Variants in NCF2 observed in about 807,000 individuals in gnomAD.
The protein encoded by NCF2 is neutrophil cytosol factor 2.
Under a neutral mutation model 70.9 loss-of-function variants are expected in NCF2, and 45 were observed. That is an observed-to-expected ratio of 0.63 (90% confidence interval 0.50 to 0.81). The LOEUF (loss-of-function observed/expected upper bound fraction) is 0.81. Ranked by LOEUF, NCF2 falls within the 40% of genes least tolerant of loss-of-function variation. The pLI, the probability that NCF2 is intolerant of heterozygous loss-of-function variation, is 0.00. For synonymous variants in NCF2, 203 were observed against 233.6 expected (o/e 0.87, Z 1.19); for missense variants, 522 against 631.6 (o/e 0.83, Z 1.86).
chr1:183,581,281 CA>C (rs1303349542), intron 2 of NCF2, among the ~76,000 whole-genome samples: 17 of 66,890 alleles, frequency 2.5e-4, no homozygotes, highest in East Asian at 7.8e-4. Flanking sequence ...AATCCTGACT[CA>C]AAAAAAAAAA....
At chr1:183,568,387 G>A (rs1469068879) in intron 7 of NCF2, among the ~76,000 whole-genome samples, 1 of 151,766 alleles carries the variant, frequency 6.6e-6, no homozygotes, top group African/African-American at 2.4e-5. Flanking sequence ...GGCTGGTCTC[G>A]AACTCCTGAT....
At chr1:183,596,438 A>T in the NCF2 span, among the ~76,000 whole-genome samples, 2 of 151,982 alleles carry the variant, frequency 1.3e-5, no homozygotes, top group Non-Finnish European at 2.9e-5. Flanking sequence ...TAAAGATCTG[A>T]ATCCTGAATG....
rs141662379 is a variant in NCF2, at chr1:183,557,812, C to T, written c.1469-1582G>A. 3.9e-4 allele frequency among the ~76,000 whole-genome samples: 60 copies of T among 152,258 alleles called. 3 individuals are homozygous for T. The East Asian group carries it at 0.011, about 28-fold the overall frequency. On this transcript the variant is annotated intron_variant, in intron 14 of 14. Transcript: ENST00000367535. The stretch of plus-strand genomic sequence containing the variant: ...AAAGTGGCACTTGGAGGTGTTCAAC[C>T]CAGTTCTTCCCACTGAGTTACCATT...
chr1:183,595,374 C>T (rs1470121189), upstream of NCF2, among the ~76,000 whole-genome samples: 1 of 152,198 alleles, frequency 6.6e-6, no homozygotes. Context: ...GCAAGTTAGT[C>T]CTGTCTAATC....
At chr1:183,571,225 C>T (rs960822413) in intron 5 of NCF2, among the ~76,000 whole-genome samples, 2 of 142,504 alleles carry the variant, frequency 1.4e-5, no homozygotes, top group South Asian at 2.2e-4. Context: ...TCAAGTGATT[C>T]TCCTGCCTCA....
intron 13 of NCF2, 125 bp downstream of exon 13, chr1:183,563,070 A>C (rs1672140953): frequency 1.1e-6 from 1 of 871,454 alleles, no homozygotes; most frequent in Non-Finnish European, 1.9e-6. Flanking sequence ...GCTGTGACTT[A>C]TTACACACCA....
chr1:183,559,838 A>G (rs1240256852), intron 14 of NCF2, among the ~76,000 whole-genome samples: 4 of 152,108 alleles, frequency 2.6e-5, no homozygotes, highest in Non-Finnish European at 5.9e-5. Flanking sequence ...CAGCCTGGGC[A>G]ACAGAGGGGG....
At chr1:183,578,252 T>C (rs1672891728) in intron 2 of NCF2, among the ~76,000 whole-genome samples, 1 of 152,210 alleles carries the variant, frequency 6.6e-6, no homozygotes, top group South Asian at 2.1e-4. Context: ...TAGAGCTTGG[T>C]TTTGTGGTCT....
At chr1:183,572,637 C>T (rs1046888509) in intron 5 of NCF2, among the ~76,000 whole-genome samples, 2 of 152,154 alleles carry the variant, frequency 1.3e-5, no homozygotes, top group African/African-American at 4.8e-5. Flanking sequence ...ATGTTCTCTT[C>T]ATATTTATTT....
At chr1:183,581,228 G>A (rs1673048794) in intron 2 of NCF2, among the ~76,000 whole-genome samples, 1 of 132,656 alleles carries the variant, frequency 7.5e-6, no homozygotes, top group Non-Finnish European at 1.5e-5. Context: ...ACTGCAGTGA[G>A]ACATGATTGC....
intron 13 of NCF2, 117 bp downstream of exon 13, chr1:183,563,078 C>T (rs1286387472): frequency 7.6e-6 from 7 of 922,014 alleles, no homozygotes; most frequent in Non-Finnish European, 1.2e-5. Flanking sequence ...TTATTACACA[C>T]CATATCCCCA....
chr1:183,556,351 G>A, intron 14 of NCF2, 121 bp from the exon 15 acceptor site: 1 of 854,632 alleles, frequency 1.2e-6, no homozygotes, highest in East Asian at 2.5e-5. Context: ...GTGATCAACA[G>A]GGAAAAGACA....
chr1:183,557,707 T>C (rs894321478), intron 14 of NCF2, among the ~76,000 whole-genome samples: 6 of 152,334 alleles, frequency 3.9e-5, no homozygotes, highest in African/African-American at 1.2e-4. Flanking sequence ...AAGGTTGTTT[T>C]AGTGTGTTCT....
At chr1:183,584,982 C>T (rs1673277636) in intron 2 of NCF2, among the ~76,000 whole-genome samples, 1 of 152,218 alleles carries the variant, frequency 6.6e-6, no homozygotes, top group South Asian at 2.1e-4. Flanking sequence ...TGGATATCTT[C>T]TCCCAATCCC....
At chr1:183,584,412 T>TAC (rs1673245458) in intron 2 of NCF2, among the ~76,000 whole-genome samples, 1 of 152,196 alleles carries the variant, frequency 6.6e-6, no homozygotes, top group East Asian at 1.9e-4. Context: ...ATTGTTGAAT[T>TAC]ACAGATAAAA....
rs34018429 is a variant in NCF2 at position 183,562,481 on chromosome 1, G to C, written c.1290+714C>G. ...TCCCCAGTGGCTGTATTTCCTGAAG[G>C]CAATTTTCTGAACGGGGAAGATACC... On this transcript the variant is annotated intron_variant, in intron 13 of 14. Coordinates refer to ENST00000367535, the MANE Select transcript of NCF2 (RefSeq NM_000433.4). Among the ~76,000 whole-genome samples, 1,072 of 152,136 alleles carry C rather than the reference G, an allele frequency of 7.0e-3. 10 individuals are homozygous for C. Among genetic ancestry groups the C allele is most frequent in the Non-Finnish European group, 0.012 (818 of 67,992 alleles).
rs768549092 is a variant in NCF2, at chr1:183,566,929, C to G, written c.915G>C (p.Gln305His). 1 of 1,614,040 alleles carries G rather than the reference C, an allele frequency of 6.2e-7. No homozygotes were observed. The highest frequency in any genetic ancestry group is 8.5e-7 in the Non-Finnish European group (1 of 1,180,038). Residue 305 changes from glutamine to histidine, a missense_variant, in exon 9 of 15, where the codon CAG becomes CAC. Gln to His is a conservative substitution (Grantham distance 24). Coordinates refer to ENST00000367535, the MANE Select transcript of NCF2 (RefSeq NM_000433.4). ...EPVELRIHPQ[Q>H]QPQEESSPQS... is the part of the protein sequence containing the mutation. Reference sequence around the variant, plus strand: ...CTTGGCATCACATTACCTGGGGCTGCTGCTGAGGGTGGATCCGCAGCTCAA... The same window carrying G: ...CTTGGCATCACATTACCTGGGGCTGGTGCTGAGGGTGGATCCGCAGCTCAA...
chr1:183,560,198 G>C lies in NCF2; in HGVS notation c.1366C>G (p.Leu456Val), dbSNP rs779188117. 5 of 1,614,032 alleles carry C rather than the reference G, an allele frequency of 3.1e-6. No homozygotes were observed. Among genetic ancestry groups the C allele is most frequent in the Non-Finnish European group, 4.2e-6 (5 of 1,180,032 alleles). Reference sequence around the variant, plus strand: ...GCCTCCACTTGGCTGCCTTTCTTAAGCTGAGGTTCTGTTGTCTGGTTATTA... The same window carrying C: ...GCCTCCACTTGGCTGCCTTTCTTAACCTGAGGTTCTGTTGTCTGGTTATTA... Reference protein sequence around the residue: ...DANNQTTEPQLKKGSQVEALF... With the variant: ...DANNQTTEPQVKKGSQVEALF... Residue 456 changes from leucine (L) to valine (V), a missense_variant, in exon 14 of 15, where the codon CTT (leucine) becomes GTT (valine). Coordinates refer to ENST00000367535, the MANE Select transcript of NCF2 (RefSeq NM_000433.4).
intron 2 of NCF2, among the ~76,000 whole-genome samples, chr1:183,579,752 A>AG (rs1672974489): frequency 6.7e-6 from 1 of 149,968 alleles, no homozygotes; most frequent in East Asian, 1.9e-4. Flanking sequence ...AAAAAAAAAA[A>AG]AAAAAAAAAA....
Sources: allele counts gnomAD v4.1 joint callset (sites outside exome capture counted in the v4.1 genomes callset), GRCh38; gene constraint gnomAD v4.1.1; transcripts MANE v1.5; gene names NCBI Gene and HGNC (gene_info 2026-07-23, HGNC 2026-07-21).